ANKRD22: variants seen among roughly 807,000 people sequenced by gnomAD.
ANKRD22 encodes the protein ankyrin repeat domain-containing protein 22.
A neutral mutation model predicts 25.7 loss-of-function variants in ANKRD22; 24 were observed. That is an observed-to-expected ratio of 0.93 (90% confidence interval 0.68 to 1.31). The LOEUF is 1.31. Among genes scored for constraint, ANKRD22 ranks in the 50% most tolerant of loss-of-function variants. ANKRD22 has a pLI of 0.00. For missense variants in ANKRD22, 214 were observed against 227.1 expected, an observed-to-expected ratio of 0.94 and a Z score of 0.37; for synonymous variants, 84 against 84.3, an observed-to-expected ratio of 1.00 and a Z score of 0.02.
At chr10:88,850,412 A>G (rs537317867) in intron 1 of ANKRD22, among the ~76,000 whole-genome samples, 1 of 152,162 alleles carries the variant, frequency 6.6e-6, no homozygotes, top group Non-Finnish European at 1.5e-5. Flanking sequence ...CTGTATAGAC[A>G]TTAAAAACGG....
At chr10:88,843,339 A>G (rs1178124871) in intron 1 of ANKRD22, among the ~76,000 whole-genome samples, 1 of 152,134 alleles carries the variant, frequency 6.6e-6, no homozygotes, top group Non-Finnish European at 1.5e-5. Flanking sequence ...TGATCTTGAT[A>G]CCTGCCAAAG....
At chr10:88,835,407 G>A (rs186717899) in intron 1 of ANKRD22, among the ~76,000 whole-genome samples, 2 of 152,264 alleles carry the variant, frequency 1.3e-5, no homozygotes, top group Non-Finnish European at 2.9e-5. Context: ...TGAGAAATGT[G>A]TTGTTAGGTG....
At chr10:88,832,159 AT>A in intron 1 of ANKRD22, 133 bp from the exon 2 acceptor site, 4 of 1,000,844 alleles carry the variant, frequency 4.0e-6, no homozygotes, top group East Asian at 2.8e-5. Context: ...TGCAGGTGAG[AT>A]TTTTTGGTCT....
At chr10:88,847,167 C>A (rs1264626135) in intron 1 of ANKRD22, among the ~76,000 whole-genome samples, 1 of 152,078 alleles carries the variant, frequency 6.6e-6, no homozygotes, top group East Asian at 1.9e-4. Flanking sequence ...TGTTTTTTTA[C>A]ATTTTTCATT....
At chr10:88,837,577 A>C (rs1350585027) in intron 1 of ANKRD22, among the ~76,000 whole-genome samples, 1 of 152,244 alleles carries the variant, frequency 6.6e-6, no homozygotes, top group Admixed American at 6.5e-5. Context: ...AATTTTTGCC[A>C]GAAAGTCAGA....
In ANKRD22 at chr10:88,851,825, A is replaced by C; in HGVS notation, c.-218T>G. On this transcript the variant is annotated 5_prime_UTR_variant, in exon 1 of 6. Coordinates refer to ENST00000371930, the MANE Select transcript of ANKRD22 (RefSeq NM_144590.3). ...CCAGAGAGCCCAGCCCAATGAAACA[A>C]AGGCACTGGTGTCATGTGTAACGAC... The C allele has an allele frequency of 1.8e-6, 1 of 568,624 alleles. No individual in the cohort carries two copies. Among genetic ancestry groups the C allele is most frequent in the Non-Finnish European group, 3.2e-6 (1 of 315,402 alleles). 35.2% of individuals were successfully genotyped at this position (568,624 alleles called of 1,614,324 possible). A position where few individuals can be genotyped will look rare whatever the true frequency, so the allele number is the denominator to read the frequency against.
chr10:88,826,039 C>T lies in ANKRD22; in HGVS notation c.398G>A (p.Cys133Tyr), dbSNP rs1344264793. Reference sequence around the variant, plus strand: ...AAATGGCTAAAAGTATAAACTTACACAATCTGTAGCATTAACTTCGACGCC... The same window carrying T: ...AAATGGCTAAAAGTATAAACTTACATAATCTGTAGCATTAACTTCGACGCC... Reference protein sequence around the residue: ...DAGVEVNATDCYGCTALHYAC... With the variant: ...DAGVEVNATDYYGCTALHYAC... Residue 133 changes from cysteine (C) to tyrosine (Y), a missense_variant and splice_region_variant, in exon 4 of 6, where the codon TGT becomes TAT. Transcript: ENST00000371930. 1.2e-6 allele frequency: 2 copies of T among 1,608,342 alleles called. No homozygotes were observed. The highest frequency in any genetic ancestry group is 1.1e-5 in the South Asian group (1 of 90,326).
chr10:88,847,106 G>C (rs1207244106), intron 1 of ANKRD22, among the ~76,000 whole-genome samples: 1 of 152,096 alleles, frequency 6.6e-6, no homozygotes. Flanking sequence ...GATACTGATG[G>C]ATCCACTTTC....
chr10:88,836,156 CATCTCCTACCACT>C (rs1346154177), intron 1 of ANKRD22, among the ~76,000 whole-genome samples: 2 of 152,158 alleles, frequency 1.3e-5, no homozygotes, highest in African/African-American at 4.8e-5. Context: ...TTTACAACTT[CATCTCCTACCACT>C]GTCTTATCCA....
chr10:88,849,981 C>T (rs1224277075), intron 1 of ANKRD22, among the ~76,000 whole-genome samples: 1 of 151,456 alleles, frequency 6.6e-6, no homozygotes, highest in Non-Finnish European at 1.5e-5. Context: ...TCTAGAGGAG[C>T]TTCCCGCACT....
At chr10:88,845,353 T>A (rs1206199134) in intron 1 of ANKRD22, among the ~76,000 whole-genome samples, 1 of 152,098 alleles carries the variant, frequency 6.6e-6, no homozygotes, top group Non-Finnish European at 1.5e-5. Flanking sequence ...TCTTTCCATG[T>A]CTAAACTCAT....
intron 1 of ANKRD22, among the ~76,000 whole-genome samples, chr10:88,840,037 A>C (rs1428615504): frequency 6.6e-6 from 1 of 152,166 alleles, no homozygotes; most frequent in Non-Finnish European, 1.5e-5. Context: ...TGGAAGTAAA[A>C]ATTTAATGTA....
intron 1 of ANKRD22, among the ~76,000 whole-genome samples, chr10:88,834,657 G>A (rs1564604728): frequency 1.3e-5 from 2 of 152,172 alleles, no homozygotes; most frequent in Admixed American, 6.5e-5. Flanking sequence ...AGTTTTGGCT[G>A]GGCGCGATGG....
At chr10:88,823,057 G>T in intron 5 of ANKRD22, 39 bp from the exon 6 acceptor site, 1 of 1,582,016 alleles carries the variant, frequency 6.3e-7, no homozygotes, top group Non-Finnish European at 8.7e-7. Flanking sequence ...CCAATAGAGT[G>T]CCCAAGATCT....
At chr10:88,847,642 T>C (rs1385957050) in intron 1 of ANKRD22, among the ~76,000 whole-genome samples, 1 of 138,764 alleles carries the variant, frequency 7.2e-6, no homozygotes, top group Non-Finnish European at 1.5e-5. Flanking sequence ...GTGTTATAAG[T>C]ATACATAAAT....
intron 4 of ANKRD22, chr10:88,823,599 G>T (rs372137825): frequency 7.0e-6 from 3 of 427,368 alleles, no homozygotes; most frequent in Non-Finnish European, 1.3e-5. Flanking sequence ...AGGCCGAGGC[G>T]GGCGGATCAC....
Position 88,851,646 on chromosome 10 carries a change from T to C in ANKRD22, c.-39A>G. 6.2e-7 allele frequency: 1 copy of C among 1,608,886 alleles called. No homozygotes were observed. The highest frequency in any genetic ancestry group is 8.5e-7 in the Non-Finnish European group (1 of 1,175,614). On this transcript the variant is annotated 5_prime_UTR_variant, in exon 1 of 6. Transcript: ENST00000371930. Reference sequence around the variant, plus strand: ...AGGCTTACTTCACCTCTACAGCTCCTTGAATCTTCTGGAGGTATTTCTGAT... The same window carrying C: ...AGGCTTACTTCACCTCTACAGCTCCCTGAATCTTCTGGAGGTATTTCTGAT...
At chr10:88,839,374 C>A (rs1843983848) in intron 1 of ANKRD22, among the ~76,000 whole-genome samples, 2 of 152,122 alleles carry the variant, frequency 1.3e-5, no homozygotes, top group Non-Finnish European at 2.9e-5. Context: ...TTTAAAGTGC[C>A]CCTCAGTGGG....
At chr10:88,831,769 CT>C in intron 2 of ANKRD22, 65 bp downstream of exon 2, 1 of 1,455,734 alleles carries the variant, frequency 6.9e-7, no homozygotes, top group Non-Finnish European at 9.2e-7. Context: ...TGCACCACTT[CT>C]AGTGATTCAA....
Sources: gnomAD v4.1 joint callset for allele counts (sites outside exome capture counted in the v4.1 genomes callset) on GRCh38, gnomAD v4.1.1 for gene constraint, MANE v1.5 for transcripts, NCBI Gene and HGNC (gene_info 2026-07-23, HGNC 2026-07-21) for gene names.